Variants in ITPK1 observed in about 807,000 individuals in gnomAD.
The protein encoded by ITPK1 is inositol-tetrakisphosphate 1-kinase.
In ITPK1, 21 loss-of-function variants were observed where a neutral mutation model predicts 45.3. The observed-to-expected ratio is 0.46, with a 90% CI of 0.33 to 0.67. ITPK1 has a LOEUF of 0.67. Among genes scored for constraint, ITPK1 ranks in the 30% least tolerant of loss-of-function variants. The probability of loss-of-function intolerance (pLI) is 0.02; values close to 1 mark genes in which losing one functional copy is unlikely to be tolerated. For missense variants in ITPK1, 474 were observed against 573.5 expected, an observed-to-expected ratio of 0.83 and a Z score of 1.77; for synonymous variants, 258 against 253.6, an observed-to-expected ratio of 1.02 and a Z score of -0.16.
At chr14:92,954,314 G>C (rs913723507) in intron 8 of ITPK1, among the ~76,000 whole-genome samples, 4 of 152,208 alleles carry the variant, frequency 2.6e-5, no homozygotes, top group African/African-American at 9.7e-5. Context: ...GAGGGAGTAG[G>C]AGCAGCCTCC....
intron 3 of ITPK1, among the ~76,000 whole-genome samples, chr14:93,023,885 G>A (rs1005122412): frequency 6.6e-6 from 1 of 152,060 alleles, no homozygotes; most frequent in African/African-American, 2.4e-5. Flanking sequence ...TGAGTCCCTC[G>A]ATCCCGTGCA....
chr14:93,074,920 T>C (rs1891154763), intron 3 of ITPK1, among the ~76,000 whole-genome samples: 1 of 152,078 alleles, frequency 6.6e-6, no homozygotes, highest in Non-Finnish European at 1.5e-5. Context: ...TTTAGGATCC[T>C]CCAGGCTGCC....
intron 7 of ITPK1, among the ~76,000 whole-genome samples, chr14:92,961,610 C>A (rs2139740420): frequency 6.6e-6 from 1 of 152,340 alleles, no homozygotes; most frequent in African/African-American, 2.4e-5. Flanking sequence ...GTGGGCCCAG[C>A]CCGGTGCCTG....
chr14:92,940,874 G>A lies in ITPK1; in HGVS notation c.*687C>T, dbSNP rs1196448126. ...TTAGGGGAAGGAGACCGCTGTGCAG[G>A]GCTAAATGGGACGTGTGTTGGGGGG... is the stretch of plus-strand genomic sequence containing the variant. On this transcript the variant is annotated 3_prime_UTR_variant, in exon 11 of 11. Transcript: ENST00000267615. 1.6e-6 allele frequency: 2 copies of A among 1,288,630 alleles called. No individual in the cohort carries two copies. The highest frequency in any genetic ancestry group is 2.0e-6 in the Non-Finnish European group (2 of 988,772). The allele number at this position is 1,288,630 out of a possible 1,614,324, so 79.8% of individuals were successfully genotyped here.
chr14:93,063,596 C>A lies in ITPK1; in HGVS notation c.120+12999G>T, dbSNP rs1890622438. ...GTAGATGGGCCTCAGAGAGGTTGTG[C>A]CACTACCCAGGACTGCACAGCCTTG... On this transcript the variant is annotated intron_variant, in intron 3 of 10. Transcript: ENST00000267615. This position sits in a 1 kb window ranked among gnomAD's most constrained non-coding sequence, Gnocchi z 4.3. 6.6e-6 allele frequency among the ~76,000 whole-genome samples: 1 copy of A among 152,216 alleles called. No homozygotes were observed. Among genetic ancestry groups the A allele is most frequent in the Admixed American group, 6.5e-5 (1 of 15,282 alleles).
chr14:93,114,989 G>A (rs1892879955), intron 2 of ITPK1, 80 bp downstream of exon 2: 2 of 749,002 alleles, frequency 2.7e-6, no homozygotes, highest in Non-Finnish European at 4.1e-6. Flanking sequence ...AACAACTAAT[G>A]AGGCTGCACC....
rs1346860030 is a variant in ITPK1 at position 93,012,273 on chromosome 14, A to G, written c.246+4403T>C. 6.6e-6 allele frequency among the ~76,000 whole-genome samples: 1 copy of G among 152,208 alleles called. No homozygotes were observed. The highest frequency in any genetic ancestry group is 1.5e-5 in the Non-Finnish European group (1 of 68,030). On this transcript the variant is annotated intron_variant, in intron 4 of 10. Coordinates refer to ENST00000267615, the MANE Select transcript of ITPK1 (RefSeq NM_014216.6). This position sits in a 1 kb window ranked among gnomAD's most constrained non-coding sequence, Gnocchi z 4.9. ...ACTGATAAAGAATTACGAACTTCCGAAGGGCATGAAGGAAAAGTGCAAAGT... is the reference window on the plus strand; with the variant it reads ...ACTGATAAAGAATTACGAACTTCCGGAGGGCATGAAGGAAAAGTGCAAAGT...
At chr14:93,111,942 T>A (rs1361884141) in intron 2 of ITPK1, among the ~76,000 whole-genome samples, 2 of 151,858 alleles carry the variant, frequency 1.3e-5, no homozygotes, top group African/African-American at 4.8e-5. Flanking sequence ...AGAGTGCACA[T>A]CTGAAAAGGC....
intron 2 of ITPK1, among the ~76,000 whole-genome samples, chr14:93,108,899 G>A (rs970352659): frequency 3.3e-5 from 5 of 152,202 alleles, no homozygotes; most frequent in Non-Finnish European, 7.3e-5. Context: ...TGTAGTTCCA[G>A]CTACTCGGGA....
chr14:93,099,072 C>T (rs930405564), intron 2 of ITPK1, among the ~76,000 whole-genome samples: 7 of 152,190 alleles, frequency 4.6e-5, no homozygotes, highest in African/African-American at 1.7e-4. Flanking sequence ...GGGTTTGTGG[C>T]CACCAGCCAC....
intron 4 of ITPK1, among the ~76,000 whole-genome samples, chr14:93,001,656 C>T (rs1003339802): frequency 7.2e-5 from 11 of 152,208 alleles, no homozygotes; most frequent in African/African-American, 2.7e-4. Flanking sequence ...AGCTACCCCA[C>T]TAACACCAGT....
chr14:93,009,141 T>C (rs1320308721), intron 4 of ITPK1, among the ~76,000 whole-genome samples: 1 of 152,180 alleles, frequency 6.6e-6, no homozygotes, highest in African/African-American at 2.4e-5. Flanking sequence ...CTAAGCACCC[T>C]GTATTGCCTG....
intron 2 of ITPK1, among the ~76,000 whole-genome samples, chr14:93,099,486 C>T (rs1008718864): frequency 6.6e-6 from 1 of 152,236 alleles, no homozygotes; most frequent in Non-Finnish European, 1.5e-5. Flanking sequence ...TCTCCAGGAA[C>T]TCAGGCAGCA....
intron 7 of ITPK1, among the ~76,000 whole-genome samples, chr14:92,961,251 AG>A (rs1885055421): frequency 2.0e-5 from 3 of 152,188 alleles, no homozygotes; most frequent in Non-Finnish European, 4.4e-5. Flanking sequence ...GGCAAAGACA[AG>A]GCCCCAGGTG....
chr14:93,067,036 G>A (rs902806365), intron 3 of ITPK1, among the ~76,000 whole-genome samples: 4 of 152,182 alleles, frequency 2.6e-5, no homozygotes, highest in Non-Finnish European at 4.4e-5. Context: ...ATCACACTCT[G>A]AGTAGCAATG....
Position 92,939,686 on chromosome 14 carries a change from G to A in ITPK1, c.*1875C>T. The A allele has an allele frequency of 1.1e-5, 11 of 985,292 alleles. No homozygotes were observed. The highest frequency in any genetic ancestry group is 1.3e-5 in the Non-Finnish European group (11 of 829,916). 61.0% of individuals were successfully genotyped at this position (985,292 alleles called of 1,614,324 possible). On this transcript the variant is annotated 3_prime_UTR_variant, in exon 11 of 11. Transcript: ENST00000267615. The stretch of plus-strand genomic sequence containing the variant: ...GCCCTGGACGCGCAAGACCCCGGAG[G>A]CCACAAACGGTACAGGAACACAGCC...
intron 2 of ITPK1, among the ~76,000 whole-genome samples, chr14:93,090,766 T>C (rs1400911332): frequency 6.7e-6 from 1 of 149,368 alleles, no homozygotes; most frequent in Non-Finnish European, 1.5e-5. Flanking sequence ...AAGAAATGTA[T>C]TTTTTTTTTC....
intron 5 of ITPK1, among the ~76,000 whole-genome samples, chr14:92,972,780 G>A (rs903310374): frequency 6.6e-6 from 1 of 152,140 alleles, no homozygotes; most frequent in Non-Finnish European, 1.5e-5. Context: ...TAGTAGAGAC[G>A]GGGTTTTGCC....
intron 5 of ITPK1, among the ~76,000 whole-genome samples, chr14:92,971,999 C>T (rs1295883087): frequency 6.6e-6 from 1 of 152,208 alleles, no homozygotes; most frequent in African/African-American, 2.4e-5. Flanking sequence ...TTCCCAGCTC[C>T]TGGAATCGAT....
Sources: allele counts gnomAD v4.1 joint callset (sites outside exome capture counted in the v4.1 genomes callset), GRCh38; gene constraint gnomAD v4.1.1; non-coding constraint Gnocchi (gnomAD v3.1); transcripts MANE v1.5; gene names NCBI Gene and HGNC (gene_info 2026-07-23, HGNC 2026-07-21).